Variants in NAALADL2 observed in about 807,000 individuals in gnomAD.
The protein encoded by NAALADL2 is N-acetylated alpha-linked acidic dipeptidase like 2, also known as inactive N-acetylated-alpha-linked acidic dipeptidase-like protein 2.
In NAALADL2, 76 loss-of-function variants were observed where a neutral mutation model predicts 87.2. The ratio of observed to expected loss-of-function variants is 0.87; its 90% confidence interval spans 0.72 to 1.05. NAALADL2 has a LOEUF of 1.05. Ranked by LOEUF, NAALADL2 falls within the 50% of genes least tolerant of loss-of-function variation. The probability of loss-of-function intolerance (pLI) is 0.00; values close to 1 mark genes in which losing one functional copy is unlikely to be tolerated. For synonymous variants in NAALADL2, 354 were observed against 331.0 expected (o/e 1.07, Z -0.75); for missense variants, 1,089 against 945.8 (o/e 1.15, Z -1.99).
At chr3:174,948,885 AAAC>A (rs1739895063) in intron 1 of NAALADL2, among the ~76,000 whole-genome samples, 1 of 152,188 alleles carries the variant, frequency 6.6e-6, no homozygotes, top group African/African-American at 2.4e-5. Flanking sequence ...GGTGACTTAT[AAAC>A]AACAGAAATT....
At chr3:174,527,857 C>T (rs1275598898) in intron 1 of NAALADL2, among the ~76,000 whole-genome samples, 6 of 152,200 alleles carry the variant, frequency 3.9e-5, no homozygotes, top group South Asian at 2.1e-4. Context: ...CTTGCTATTT[C>T]GTATTGGAAA....
chr3:175,729,924 A>G (rs1468652026), intron 11 of NAALADL2, among the ~76,000 whole-genome samples: 2 of 152,080 alleles, frequency 1.3e-5, no homozygotes, highest in African/African-American at 2.4e-5. Flanking sequence ...AAAAAATCCC[A>G]TGATAATAGT....
At chr3:174,745,981 T>A (rs1035427717) in intron 3 of NAALADL2, among the ~76,000 whole-genome samples, 1 of 152,184 alleles carries the variant, frequency 6.6e-6, no homozygotes, top group African/African-American at 2.4e-5. Context: ...TCATTCTGAA[T>A]GGGCAAAAGC....
At chr3:175,130,946 C>T (rs114736802) in intron 2 of NAALADL2, among the ~76,000 whole-genome samples, 1 of 152,180 alleles carries the variant, frequency 6.6e-6, no homozygotes, top group East Asian at 1.9e-4. Flanking sequence ...GTGACAAATG[C>T]CATTGGAATT....
At chr3:175,423,129 G>GTT (rs1716085851) in intron 5 of NAALADL2, among the ~76,000 whole-genome samples, 1 of 146,612 alleles carries the variant, frequency 6.8e-6, no homozygotes, top group Admixed American at 6.8e-5. Flanking sequence ...ATTTCAAAGG[G>GTT]AAAGAGAAGA....
chr3:174,812,112 C>G (rs80109625), intron 3 of NAALADL2, among the ~76,000 whole-genome samples: 2,012 of 152,172 alleles, frequency 0.013, 46 homozygotes, highest in African/African-American at 0.047. Flanking sequence ...GCCAATTAAT[C>G]ATCTTTTCTT....
chr3:174,645,064 C>G (rs974452345), intron 2 of NAALADL2, among the ~76,000 whole-genome samples: 1 of 152,122 alleles, frequency 6.6e-6, no homozygotes, highest in African/African-American at 2.4e-5. Flanking sequence ...GGTTCCAAAG[C>G]AAGGGCAGCC....
chr3:175,758,080 A>G (rs1305718801), intron 13 of NAALADL2, among the ~76,000 whole-genome samples: 1 of 152,078 alleles, frequency 6.6e-6, no homozygotes, highest in African/African-American at 2.4e-5. Context: ...TCCGTTCAAA[A>G]ATATTTATGA....
At chr3:174,832,586 C>T (rs957103993) in intron 3 of NAALADL2, among the ~76,000 whole-genome samples, 3 of 152,024 alleles carry the variant, frequency 2.0e-5, no homozygotes, top group Non-Finnish European at 4.4e-5. Flanking sequence ...CTCAGCCTCC[C>T]GAGTAGCTGA....
At chr3:174,479,222 C>G (rs556097386) in intron 1 of NAALADL2, among the ~76,000 whole-genome samples, 5 of 152,032 alleles carry the variant, frequency 3.3e-5, no homozygotes, top group African/African-American at 9.7e-5. Flanking sequence ...AAGATTTAAT[C>G]GAAGTTTAAT....
At chr3:175,452,321 T>C (rs1009908807) in intron 6 of NAALADL2, among the ~76,000 whole-genome samples, 3 of 152,106 alleles carry the variant, frequency 2.0e-5, no homozygotes, top group Non-Finnish European at 2.9e-5. Flanking sequence ...AGTATGATCT[T>C]ATATGACATA....
chr3:175,781,162 T>C (rs190712930), intron 13 of NAALADL2, among the ~76,000 whole-genome samples: 103 of 152,326 alleles, frequency 6.8e-4, no homozygotes, highest in African/African-American at 2.3e-3. Context: ...ATTTATATCC[T>C]CCTACTTTCA....
intron 5 of NAALADL2, among the ~76,000 whole-genome samples, chr3:175,441,999 T>C (rs2149205129): frequency 6.6e-6 from 1 of 152,276 alleles, no homozygotes; most frequent in Middle Eastern, 3.4e-3. Context: ...TAGAGTGCAG[T>C]GGTGCAATCT....
chr3:175,207,967 T>A (rs141020561), intron 2 of NAALADL2, among the ~76,000 whole-genome samples: 1 of 152,108 alleles, frequency 6.6e-6, no homozygotes, highest in Non-Finnish European at 1.5e-5. Flanking sequence ...GAGTATAAAC[T>A]GAACGAGGGC....
intron 1 of NAALADL2, among the ~76,000 whole-genome samples, chr3:175,031,776 ATCTGTTAT>A (rs1330278966): frequency 6.6e-6 from 1 of 151,978 alleles, no homozygotes; most frequent in Non-Finnish European, 1.5e-5. Context: ...CCTCACTGAC[ATCTGTTAT>A]TTTTTACTTT....
intron 5 of NAALADL2, among the ~76,000 whole-genome samples, chr3:175,371,148 A>T (rs988084975): frequency 6.6e-6 from 1 of 152,084 alleles, no homozygotes; most frequent in African/African-American, 2.4e-5. Context: ...ATTTGCAGTA[A>T]TTCACTTTTT....
At chr3:175,682,607 A>T (rs1476768528) in intron 11 of NAALADL2, among the ~76,000 whole-genome samples, 3 of 152,046 alleles carry the variant, frequency 2.0e-5, no homozygotes, top group Admixed American at 6.6e-5. Context: ...GTAGTGTTTG[A>T]AAATGTGACA....
At chr3:175,461,283 CAGAG>C (rs758957144) in intron 6 of NAALADL2, among the ~76,000 whole-genome samples, 2 of 151,464 alleles carry the variant, frequency 1.3e-5, no homozygotes, top group South Asian at 2.1e-4. Flanking sequence ...TAGATAGACA[CAGAG>C]AGCTGATGGT....
chr3:175,640,015 T>G (rs984147718), intron 11 of NAALADL2, among the ~76,000 whole-genome samples: 10 of 152,162 alleles, frequency 6.6e-5, no homozygotes, highest in Admixed American at 2.0e-4. Flanking sequence ...GAAGAGAATA[T>G]TAGAAAGCAG....
Sources: allele counts gnomAD v4.1 joint callset (sites outside exome capture counted in the v4.1 genomes callset), GRCh38; gene constraint gnomAD v4.1.1; transcripts MANE v1.5; gene names NCBI Gene and HGNC (gene_info 2026-07-23, HGNC 2026-07-21).